Variants in FHIT observed in about 807,000 individuals in gnomAD.
FHIT encodes the protein bis(5'-adenosyl)-triphosphatase.
A neutral mutation model predicts 17.9 loss-of-function variants in FHIT; 19 were observed. That is an observed-to-expected ratio of 1.06 (90% CI 0.74 to 1.56). FHIT has a LOEUF of 1.56. FHIT is among the 40% of genes most tolerant of loss of function. FHIT has a pLI of 0.00. For synonymous variants in FHIT, 81 were observed against 69.7 expected (o/e 1.16, Z -0.81); for missense variants, 248 against 189.2 (o/e 1.31, Z -1.82).
chr3:60,305,881 C>T (rs562244378), intron 5 of FHIT, among the ~76,000 whole-genome samples: 32 of 152,108 alleles, frequency 2.1e-4, no homozygotes, highest in Admixed American at 1.2e-3. Context: ...TTTATGAAGA[C>T]GGTTTTTGAA....
chr3:61,213,246 G>A (rs1294542277), intron 1 of FHIT, among the ~76,000 whole-genome samples: 3 of 152,198 alleles, frequency 2.0e-5, no homozygotes, highest in South Asian at 4.1e-4. Context: ...TCAGTGTGCT[G>A]TATTCAGGAA....
At chr3:59,985,859 A>G (rs920555538) in intron 7 of FHIT, among the ~76,000 whole-genome samples, 10 of 152,046 alleles carry the variant, frequency 6.6e-5, no homozygotes, top group Admixed American at 3.3e-4. Context: ...GGCCTTCCAG[A>G]ACTGGGTACT....
intron 8 of FHIT, among the ~76,000 whole-genome samples, chr3:59,915,949 AAAG>A: frequency 6.6e-6 from 1 of 151,938 alleles, no homozygotes; most frequent in East Asian, 1.9e-4. Context: ...AAAAAAAAAA[AAAG>A]AGTTAATAAA....
chr3:59,911,379 T>A (rs1704866605), intron 8 of FHIT, among the ~76,000 whole-genome samples: 1 of 152,128 alleles, frequency 6.6e-6, no homozygotes, highest in Non-Finnish European at 1.5e-5. Flanking sequence ...ATTCTCTGGG[T>A]TGGGTGTAGA....
chr3:60,224,696 C>T (rs1438827530), intron 5 of FHIT, among the ~76,000 whole-genome samples: 1 of 140,568 alleles, frequency 7.1e-6, no homozygotes, highest in Non-Finnish European at 1.5e-5. Context: ...TTATCTCTCA[C>T]CAGGATTTTT....
At chr3:60,598,470 T>C (rs1036021582) in intron 4 of FHIT, among the ~76,000 whole-genome samples, 1 of 152,084 alleles carries the variant, frequency 6.6e-6, no homozygotes, top group Non-Finnish European at 1.5e-5. Context: ...TTGTGTTGAG[T>C]GTTTGAGGAT....
chr3:61,215,788 A>C (rs549077460), intron 1 of FHIT, among the ~76,000 whole-genome samples: 27 of 152,374 alleles, frequency 1.8e-4, no homozygotes, highest in African/African-American at 5.8e-4. Flanking sequence ...TACTGGTAGC[A>C]AAACAGAGAT....
At chr3:60,319,686 C>T (rs1334097656) in intron 5 of FHIT, among the ~76,000 whole-genome samples, 1 of 152,162 alleles carries the variant, frequency 6.6e-6, no homozygotes, top group Non-Finnish European at 1.5e-5. Context: ...GCAGCACAGC[C>T]ACAATGAAAC....
intron 7 of FHIT, among the ~76,000 whole-genome samples, chr3:59,975,742 C>T (rs1383332365): frequency 1.3e-5 from 2 of 152,010 alleles, no homozygotes; most frequent in African/African-American, 4.8e-5. Flanking sequence ...AAGGTGGGTT[C>T]TGTGAGCATG....
intron 5 of FHIT, among the ~76,000 whole-genome samples, chr3:60,281,254 T>C (rs1707437069): frequency 6.6e-6 from 1 of 152,190 alleles, no homozygotes; most frequent in Admixed American, 6.5e-5. Context: ...GATACTGTTA[T>C]CGGTTCTTCC....
chr3:61,110,418 C>T (rs965323057), intron 2 of FHIT, among the ~76,000 whole-genome samples: 2 of 152,154 alleles, frequency 1.3e-5, no homozygotes, highest in Non-Finnish European at 2.9e-5. Context: ...AGGCAGCACA[C>T]AAGCCAGCCC....
intron 7 of FHIT, among the ~76,000 whole-genome samples, chr3:60,002,186 A>G (rs1437936889): frequency 2.0e-5 from 3 of 152,162 alleles, no homozygotes; most frequent in African/African-American, 7.2e-5. Flanking sequence ...TGTTTAAAAG[A>G]ATAAACTACC....
intron 8 of FHIT, among the ~76,000 whole-genome samples, chr3:59,872,924 A>G (rs1385713): frequency 0.73 from 111,709 of 152,142 alleles, 41,909 homozygotes; most frequent in East Asian, 0.96. Flanking sequence ...TTTTCCCATG[A>G]AAAGAGATCT....
chr3:61,126,204 C>A (rs977751373), intron 2 of FHIT, among the ~76,000 whole-genome samples: 3 of 152,028 alleles, frequency 2.0e-5, no homozygotes, highest in Admixed American at 6.6e-5. Flanking sequence ...GAGCCAGACA[C>A]CATCCTAGGC....
chr3:61,064,637 C>T (rs766765945), intron 2 of FHIT, among the ~76,000 whole-genome samples: 4 of 152,156 alleles, frequency 2.6e-5, no homozygotes, highest in Admixed American at 6.5e-5. Context: ...CAAGTTTACA[C>T]AGAGTGTGCA....
chr3:60,166,976 T>G (rs1701205005), intron 5 of FHIT, among the ~76,000 whole-genome samples: 1 of 152,152 alleles, frequency 6.6e-6, no homozygotes, highest in Non-Finnish European at 1.5e-5. Flanking sequence ...CATGCACCTG[T>G]GAGACTACTT....
chr3:60,453,735 A>C (rs972006461), intron 5 of FHIT, among the ~76,000 whole-genome samples: 2 of 152,210 alleles, frequency 1.3e-5, no homozygotes, highest in African/African-American at 4.8e-5. Flanking sequence ...GACGATGCAA[A>C]TCTGGCACAT....
At chr3:60,969,049 C>G (rs1447527761) in intron 3 of FHIT, among the ~76,000 whole-genome samples, 1 of 151,802 alleles carries the variant, frequency 6.6e-6, no homozygotes, top group East Asian at 1.9e-4. Flanking sequence ...TTTAATACCC[C>G]TCATCTTTGG....
chr3:60,474,797 A>G (rs2033263787), intron 5 of FHIT, among the ~76,000 whole-genome samples: 1 of 151,872 alleles, frequency 6.6e-6, no homozygotes. Context: ...CTACTTTTGT[A>G]TTTTTAGTAG....
Sources: allele counts gnomAD v4.1 joint callset (sites outside exome capture counted in the v4.1 genomes callset), GRCh38; gene constraint gnomAD v4.1.1; transcripts MANE v1.5; gene names NCBI Gene and HGNC (gene_info 2026-07-23, HGNC 2026-07-21).